The following KIFC3 variants were observed in gnomAD, a reference collection of about 807,000 sequenced individuals.
The protein encoded by KIFC3 is kinesin family member C3, also known as kinesin-like protein KIFC3.
In KIFC3, 60 loss-of-function variants were observed where a neutral mutation model predicts 101.8. The ratio of observed to expected loss-of-function variants is 0.59; its 90% CI spans 0.48 to 0.73. The LOEUF is 0.73. Ranked by LOEUF, KIFC3 falls within the 30% of genes least tolerant of loss-of-function variation. The probability of loss-of-function intolerance (pLI) is 0.00; values close to 1 mark genes in which losing one functional copy is unlikely to be tolerated. For missense variants in KIFC3, 966 were observed against 1,137.1 expected (o/e 0.85, Z 2.16); for synonymous variants, 476 against 482.7 (o/e 0.99, Z 0.18).
chr16:57,816,331 C>T (rs1555628812), intron 1 of KIFC3: 2 of 1,109,726 alleles, frequency 1.8e-6, no homozygotes, highest in Non-Finnish European at 2.4e-6. Context: ...TCCCGTGTGT[C>T]TTCAGGATCC....
intron 3 of KIFC3, among the ~76,000 whole-genome samples, chr16:57,793,592 C>CA (rs1289045115): frequency 0.013 from 1,121 of 86,324 alleles, 14 homozygotes; most frequent in African/African-American, 0.048. Context: ...GACTCTGTCT[C>CA]AAAAAAAAAA....
rs1555597335 is a variant in KIFC3 at position 57,761,357 on chromosome 16, C to G, written c.1872+56G>C. 5 of 1,610,742 alleles carry G rather than the reference C, an allele frequency of 3.1e-6. No individual in the cohort carries two copies. In the Admixed American group the frequency reaches 8.4e-5, roughly 27 times the overall value. ...GGACACAGCAGAGCCTACATTCAAA[C>G]CCAGTTGTGTCCTCTAGAGCAGTGT... On this transcript the variant is annotated intron_variant, in intron 14 of 19. Coordinates refer to ENST00000445690, the MANE Select transcript of KIFC3 (RefSeq NM_001130100.2).
intron 3 of KIFC3, among the ~76,000 whole-genome samples, chr16:57,786,780 C>G (rs565311037): frequency 3.9e-5 from 6 of 152,184 alleles, no homozygotes; most frequent in Non-Finnish European, 5.9e-5. Context: ...ACCCCTCTGA[C>G]AGCCTGGCCT....
chr16:57,788,653 A>T, intron 3 of KIFC3: 1 of 1,289,544 alleles, frequency 7.8e-7, no homozygotes, highest in Non-Finnish European at 1.0e-6. Context: ...TGTCTCTTCC[A>T]AAGCTTCTCT....
intron 3 of KIFC3, chr16:57,775,183 G>A: frequency 7.5e-7 from 1 of 1,333,264 alleles, no homozygotes; most frequent in Non-Finnish European, 9.6e-7. Flanking sequence ...GCACCCAAAA[G>A]GAAGTGGCCG....
intron 1 of KIFC3, among the ~76,000 whole-genome samples, chr16:57,814,535 C>T (rs1555628383): frequency 6.6e-6 from 1 of 152,212 alleles, no homozygotes; most frequent in Non-Finnish European, 1.5e-5. Flanking sequence ...CCCATTTAAT[C>T]CTTACAGCAC....
Position 57,766,994 on chromosome 16 carries a change from G to T in KIFC3, c.1219-9C>A. 1 of 1,598,182 alleles carries T rather than the reference G, an allele frequency of 6.3e-7. No individual in the cohort carries two copies. The highest frequency in any genetic ancestry group is 8.6e-7 in the Non-Finnish European group (1 of 1,166,730). On this transcript the variant is annotated splice_polypyrimidine_tract_variant and intron_variant, in intron 9 of 19. Coordinates refer to ENST00000445690, the MANE Select transcript of KIFC3 (RefSeq NM_001130100.2). ...TCGATGGCCTGGCCTATCTGGTGGG[G>T]GGTGCACACCACTGTCAGGGGGACG...
chr16:57,859,976 C>T (rs938702161), intron 1 of KIFC3, among the ~76,000 whole-genome samples: 4 of 147,280 alleles, frequency 2.7e-5, no homozygotes, highest in Admixed American at 6.8e-5. Flanking sequence ...GAGTTGAGAT[C>T]GTGCCACTGC....
intron 3 of KIFC3, chr16:57,776,282 A>C (rs992353784): frequency 6.1e-6 from 6 of 985,346 alleles, no homozygotes; most frequent in Middle Eastern, 5.2e-4. Context: ...CGGCCCTGGG[A>C]GCACACCCTG....
At chr16:57,792,173 G>C (rs1219109601) in intron 3 of KIFC3, among the ~76,000 whole-genome samples, 1 of 152,184 alleles carries the variant, frequency 6.6e-6, no homozygotes, top group East Asian at 1.9e-4. Context: ...GGATGGTCAG[G>C]AGAACATGGG....
chr16:57,771,653 G>C lies in KIFC3; in HGVS notation c.415C>G (p.Leu139Val). The C allele has an allele frequency of 1.2e-6, 2 of 1,612,996 alleles. No homozygotes were observed. The highest frequency in any genetic ancestry group is 1.7e-6 in the Non-Finnish European group (2 of 1,179,836). Reference sequence around the variant, plus strand: ...CTCAGTCGCTCATTCTCCACCATCAGCAGGTCCCGGTGCTTCTCCAAGTCG... The same window carrying C: ...CTCAGTCGCTCATTCTCCACCATCACCAGGTCCCGGTGCTTCTCCAAGTCG... ...GTDLEKHRDL[L>V]MVENERLRQE... Residue 139 changes from leucine to valine, a missense_variant, in exon 5 of 20, where the codon CTG (leucine) becomes GTG (valine). Leu to Val is a conservative substitution (Grantham distance 32). This residue lies in a region of KIFC3 where 277 missense variants were observed against 252.5 expected (regional missense o/e 1.10). Transcript: ENST00000445690.
At chr16:57,840,859 T>G (rs1451811188) in intron 1 of KIFC3, among the ~76,000 whole-genome samples, 1 of 151,478 alleles carries the variant, frequency 6.6e-6, no homozygotes, top group African/African-American at 2.4e-5. Flanking sequence ...CGCAAGACAA[T>G]GTCAAACCTG....
chr16:57,857,152 T>G (rs1226777560), intron 1 of KIFC3, among the ~76,000 whole-genome samples: 2 of 152,184 alleles, frequency 1.3e-5, no homozygotes, highest in African/African-American at 4.8e-5. Context: ...CCACTCTCCC[T>G]GTGTGCTGTG....
chr16:57,772,392 C>T (rs1555609437), intron 3 of KIFC3, 104 bp from the exon 4 acceptor site: 1 of 948,784 alleles, frequency 1.1e-6, no homozygotes, highest in Non-Finnish European at 1.6e-6. Flanking sequence ...GCTGTGGCTT[C>T]TTCTAAGGCT....
intron 3 of KIFC3, chr16:57,781,877 G>A (rs782786994): frequency 2.8e-4 from 268 of 961,666 alleles, no homozygotes; most frequent in Non-Finnish European, 3.2e-4. Context: ...ACCTAGGACC[G>A]GAACTCGCAT....
At chr16:57,832,763 C>T (rs1437146409) in intron 1 of KIFC3, among the ~76,000 whole-genome samples, 2 of 152,066 alleles carry the variant, frequency 1.3e-5, no homozygotes, top group African/African-American at 2.4e-5. Context: ...CCTTTAAAAA[C>T]GGAGGGCTCC....
intron 19 of KIFC3, 97 bp downstream of exon 19, chr16:57,759,023 GGGGCT>G (rs2049473443): frequency 1.3e-6 from 2 of 1,533,086 alleles, no homozygotes; most frequent in African/African-American, 2.8e-5. Flanking sequence ...AGCGACAGCA[GGGGCT>G]AGACCCAGCT....
chr16:57,834,756 A>G (rs186931732), intron 1 of KIFC3, among the ~76,000 whole-genome samples: 2 of 152,154 alleles, frequency 1.3e-5, no homozygotes, highest in East Asian at 3.9e-4. Context: ...ACCTCAAGCA[A>G]TCCCCTTGCC....
chr16:57,814,394 C>T (rs1189035460), intron 1 of KIFC3, among the ~76,000 whole-genome samples: 2 of 152,116 alleles, frequency 1.3e-5, no homozygotes, highest in African/African-American at 4.8e-5. Flanking sequence ...ATTGGAGGTC[C>T]CTGATTCAGG....
Sources: gnomAD v4.1 joint callset for allele counts (sites outside exome capture counted in the v4.1 genomes callset) on GRCh38, gnomAD v4.1.1 for gene constraint, gnomAD v4.1.1 regional missense constraint, MANE v1.5 for transcripts, NCBI Gene and HGNC (gene_info 2026-07-23, HGNC 2026-07-21) for gene names.